The following MGRN1 variants were observed in gnomAD, a reference collection of about 807,000 sequenced individuals.
MGRN1 encodes the protein mahogunin ring finger 1.
A neutral mutation model predicts 69.2 loss-of-function variants in MGRN1; 29 were observed. That is an observed-to-expected ratio of 0.42 (90% confidence interval 0.31 to 0.57). The LOEUF is 0.57. MGRN1 is among the 20% of genes least tolerant of loss of function. The probability of loss-of-function intolerance (pLI) is 0.15; values close to 1 mark genes in which losing one functional copy is unlikely to be tolerated. For missense variants in MGRN1, 998 were observed against 796.2 expected, an observed-to-expected ratio of 1.25 and a Z score of -3.05; for synonymous variants, 470 against 344.2, an observed-to-expected ratio of 1.37 and a Z score of -4.04.
chr16:4,628,471 T>C (rs1347584166), intron 1 of MGRN1, among the ~76,000 whole-genome samples: 1 of 151,950 alleles, frequency 6.6e-6, no homozygotes, highest in Admixed American at 6.6e-5. Context: ...TTGCAGACAT[T>C]TCCCTTGTAA....
chr16:4,628,540 G>T lies in MGRN1; in HGVS notation c.88+3492G>T, dbSNP rs565805051. Among the ~76,000 whole-genome samples the T allele has an allele frequency of 1.5e-3, 233 of 152,092 alleles. 1 individual carries two copies. The highest frequency in any genetic ancestry group is 2.6e-3 in the Non-Finnish European group (177 of 67,982). ...CCCAACCCCCACCCTCAGCCCATCA[G>T]CGATCTGCTTTCTTTTTTCTTTGAG... is the stretch of plus-strand genomic sequence containing the variant. On this transcript the variant is annotated intron_variant, in intron 1 of 16. Transcript: ENST00000262370.
chr16:4,660,874 ACT>A (rs1334518569), intron 5 of MGRN1, among the ~76,000 whole-genome samples: 2 of 152,054 alleles, frequency 1.3e-5, no homozygotes, highest in African/African-American at 2.4e-5. Flanking sequence ...AGTGTCCCTC[ACT>A]CTGGCAAGCC....
Position 4,642,500 on chromosome 16 carries a change from G to GTT in MGRN1, c.89-7861_89-7860dup, listed in dbSNP as rs1555448433. ...TGTGTGTGTGTGTGTGTGTGTGTGT[G>GTT]TTTTTAGTAGAGATGGGGGTTTCAC... On this transcript the variant is annotated intron_variant, in intron 1 of 16. Transcript: ENST00000262370. 9.3e-5 allele frequency among the ~76,000 whole-genome samples: 14 copies of GTT among 150,300 alleles called. No individual in the cohort carries two copies. The East Asian group carries it at 2.0e-3, about 21-fold the overall frequency.
intron 1 of MGRN1, chr16:4,649,094 A>C (rs1318764084): frequency 6.5e-6 from 1 of 152,754 alleles, no homozygotes; most frequent in East Asian, 1.9e-4. Context: ...TCATAGGAGA[A>C]GCGCAGATCT....
rs57150135 is a variant in MGRN1 at position 4,627,679 on chromosome 16, C to T, written c.88+2631C>T. Among the ~76,000 whole-genome samples the T allele has an allele frequency of 2.3e-3, 350 of 151,876 alleles. 12 individuals are homozygous for T. Among genetic ancestry groups the T allele is most frequent in the African/African-American group, 8.2e-3 (340 of 41,242 alleles). ...TGGCAGGCGTCTATAGTCCCAGCTA[C>T]GCGGGAGGCTGAGGCAGGCTGAATT... On this transcript the variant is annotated intron_variant, in intron 1 of 16. Transcript: ENST00000262370.
chr16:4,668,515 A>T (rs1323939955), intron 8 of MGRN1, among the ~76,000 whole-genome samples: 1 of 151,964 alleles, frequency 6.6e-6, no homozygotes, highest in Non-Finnish European at 1.5e-5. Context: ...ACATATATAG[A>T]CACATAAACA....
intron 8 of MGRN1, 148 bp from the exon 9 acceptor site, chr16:4,671,243 G>C (rs1365643865): frequency 2.3e-5 from 16 of 695,428 alleles, no homozygotes; most frequent in Non-Finnish European, 3.9e-5. Flanking sequence ...GGTTTTCCCT[G>C]CCCTTCTCCT....
rs76880698 is a variant in MGRN1 at position 4,689,287 on chromosome 16, G to A, written c.*379G>A. On this transcript the variant is annotated 3_prime_UTR_variant, in exon 17 of 17. Transcript: ENST00000262370. ...GAGAACTCAGGAGGCCTGCAGAAGAGAACTGATTGGTGGTCGAAGCACCAT... is the reference window on the plus strand; with the variant it reads ...GAGAACTCAGGAGGCCTGCAGAAGAAAACTGATTGGTGGTCGAAGCACCAT... The A allele has an allele frequency of 1.5e-5, 3 of 195,884 alleles. No individual in the cohort carries two copies. The highest frequency in any genetic ancestry group is 6.9e-5 in the African/African-American group (3 of 43,228). The allele number at this position is 195,884 out of a possible 1,614,324, so 12.1% of individuals were successfully genotyped here. A position where few individuals can be genotyped will look rare whatever the true frequency, so the allele number is the denominator to read the frequency against.
intron 5 of MGRN1, among the ~76,000 whole-genome samples, chr16:4,662,568 C>T (rs919240813): frequency 2.6e-5 from 4 of 152,080 alleles, no homozygotes; most frequent in East Asian, 1.9e-4. Context: ...TAGCAGCCAC[C>T]ACAGGCAGTG....
intron 5 of MGRN1, among the ~76,000 whole-genome samples, chr16:4,659,568 A>C (rs1203404304): frequency 6.6e-6 from 1 of 152,208 alleles, no homozygotes; most frequent in African/African-American, 2.4e-5. Context: ...CGGACTTGGC[A>C]CTGGACCCGC....
chr16:4,642,901 C>T (rs903468903), intron 1 of MGRN1, among the ~76,000 whole-genome samples: 1 of 152,012 alleles, frequency 6.6e-6, no homozygotes, highest in African/African-American at 2.4e-5. Context: ...ATCCTTCCAC[C>T]TCAGCCTCCC....
intron 16 of MGRN1, chr16:4,688,149 G>C: frequency 1.0e-6 from 1 of 985,578 alleles, no homozygotes; most frequent in Non-Finnish European, 1.2e-6. Flanking sequence ...CCATGTGTCA[G>C]GGCTGGTGGC....
At chr16:4,625,963 A>T (rs1313326596) in intron 1 of MGRN1, among the ~76,000 whole-genome samples, 2 of 152,142 alleles carry the variant, frequency 1.3e-5, no homozygotes, top group East Asian at 3.9e-4. Context: ...GTCTCCGGAC[A>T]CCCACAGGCC....
At chr16:4,650,344 C>G in intron 1 of MGRN1, 21 bp from the exon 2 acceptor site, 1 of 1,479,352 alleles carries the variant, frequency 6.8e-7, no homozygotes, top group Non-Finnish European at 9.3e-7. Flanking sequence ...AATCTATAAT[C>G]GTGTTTCCTT....
intron 16 of MGRN1, among the ~76,000 whole-genome samples, chr16:4,685,333 C>T (rs2079285912): frequency 6.6e-6 from 1 of 152,250 alleles, no homozygotes; most frequent in African/African-American, 2.4e-5. Flanking sequence ...GTGGCCAGGC[C>T]TGGGAAGGAT....
rs555597395 is a variant in MGRN1, at chr16:4,627,628, A to G, written c.88+2580A>G. 7.3e-4 allele frequency among the ~76,000 whole-genome samples: 110 copies of G among 151,562 alleles called. 3 individuals carry two copies. Among genetic ancestry groups the G allele is most frequent in the African/African-American group, 2.4e-3 (97 of 41,102 alleles). ...CGGGGAAACCCCGTCTCTACTAAAA[A>G]TACAAAAAAATTTAGCCGGGCGTGA... is the stretch of plus-strand genomic sequence containing the variant. On this transcript the variant is annotated intron_variant, in intron 1 of 16. Transcript: ENST00000262370.
At position 4,689,025 on chromosome 16, in the gene MGRN1, T is replaced by C; in HGVS notation, c.*117T>C. On this transcript the variant is annotated 3_prime_UTR_variant, in exon 17 of 17. Transcript: ENST00000262370. ...TGCATGCCCCCTGTGGCCACCAGGC[T>C]CCGAGGGGCCGTGGTGACTCTTGAT... is the stretch of plus-strand genomic sequence containing the variant. 1 of 1,350,752 alleles carries C rather than the reference T, an allele frequency of 7.4e-7. No individual in the cohort carries two copies. The highest frequency in any genetic ancestry group is 9.8e-7 in the Non-Finnish European group (1 of 1,021,464). The allele number at this position is 1,350,752 out of a possible 1,614,324, so 83.7% of individuals were successfully genotyped here. A position where few individuals can be genotyped will look rare whatever the true frequency, so the allele number is the denominator to read the frequency against.
intron 1 of MGRN1, among the ~76,000 whole-genome samples, chr16:4,631,531 C>G (rs552790054): frequency 6.6e-6 from 1 of 152,332 alleles, no homozygotes; most frequent in African/African-American, 2.4e-5. Flanking sequence ...ACAGGACAGT[C>G]CCCCACAATT....
At chr16:4,649,393 G>A (rs2078351626) in intron 1 of MGRN1, 1 of 152,182 alleles carries the variant, frequency 6.6e-6, no homozygotes, top group African/African-American at 2.4e-5. Flanking sequence ...AGAAACCGAG[G>A]TGCCAGCAGG....
Sources: gnomAD v4.1 joint callset for allele counts (sites outside exome capture counted in the v4.1 genomes callset) on GRCh38, gnomAD v4.1.1 for gene constraint, MANE v1.5 for transcripts, NCBI Gene and HGNC (gene_info 2026-07-23, HGNC 2026-07-21) for gene names.